Variants in NT5DC1 observed in about 807,000 individuals in gnomAD.
NT5DC1 encodes the protein 5'-nucleotidase domain-containing protein 1.
NT5DC1 carries 42 observed loss-of-function variants against 59.4 expected under a neutral mutation model. The observed-to-expected ratio is 0.71, with a 90% CI of 0.55 to 0.92. NT5DC1 has a LOEUF of 0.92. NT5DC1 is among the 40% of genes least tolerant of loss of function. NT5DC1 has a pLI of 0.00. For missense variants in NT5DC1, 501 were observed against 537.1 expected, an observed-to-expected ratio of 0.93 and a Z score of 0.66; for synonymous variants, 172 against 188.1, an observed-to-expected ratio of 0.91 and a Z score of 0.70.
chr6:116,150,337 A>G (rs371782391), intron 6 of NT5DC1, among the ~76,000 whole-genome samples: 2 of 152,038 alleles, frequency 1.3e-5, no homozygotes, highest in African/African-American at 4.8e-5. Context: ...CCAGGAAGGA[A>G]TGCAGTGGCA....
Position 116,243,931 on chromosome 6 carries a change from T to C in NT5DC1, c.1275T>C (p.Phe425=). The C allele has an allele frequency of 6.4e-7, 1 of 1,550,894 alleles. No homozygotes were observed. Among genetic ancestry groups the C allele is most frequent in the East Asian group, 2.3e-5 (1 of 44,294 alleles). The change falls in exon 12 of 12, where the codon TTT becomes TTC. Residue 425 remains phenylalanine (F), a synonymous_variant. Coordinates refer to ENST00000319550, the MANE Select transcript of NT5DC1 (RefSeq NM_152729.3). ...AIAELPLDYK[F]TRFSSSNSKT... is the part of the protein sequence containing the mutation. ...CAGAATTACCTCTGGACTACAAATT[T>C]ACAAGATTCTCTTCAAGCAATTCAA...
intron 4 of NT5DC1, among the ~76,000 whole-genome samples, chr6:116,112,934 G>A (rs147955959): frequency 3.2e-4 from 49 of 152,292 alleles, no homozygotes; most frequent in African/African-American, 1.1e-3. Context: ...TAAAGTACAT[G>A]CCCTATCAGT....
intron 6 of NT5DC1, among the ~76,000 whole-genome samples, chr6:116,193,598 A>G (rs528070002): frequency 1.3e-5 from 2 of 152,108 alleles, no homozygotes; most frequent in Non-Finnish European, 2.9e-5. Flanking sequence ...TAATATACAC[A>G]GAATATGTCT....
At chr6:116,142,285 T>TC (rs144062334) in intron 6 of NT5DC1, among the ~76,000 whole-genome samples, 3 of 144,300 alleles carry the variant, frequency 2.1e-5, no homozygotes, top group African/African-American at 8.4e-5. Flanking sequence ...CTATTTTTGC[T>TC]TTTTTTTTCA....
chr6:116,212,682 T>G (rs1163792538), intron 6 of NT5DC1, among the ~76,000 whole-genome samples: 1 of 152,112 alleles, frequency 6.6e-6, no homozygotes, highest in Non-Finnish European at 1.5e-5. Context: ...GAGTTGAGAT[T>G]TAATGGGTGG....
intron 6 of NT5DC1, among the ~76,000 whole-genome samples, chr6:116,162,877 C>A (rs1224891972): frequency 2.6e-5 from 4 of 151,968 alleles, no homozygotes; most frequent in Admixed American, 2.6e-4. Flanking sequence ...CCTGTAATCC[C>A]AGCACTTTGG....
intron 6 of NT5DC1, chr6:116,120,856 G>C: frequency 6.2e-7 from 1 of 1,613,986 alleles, no homozygotes; most frequent in Non-Finnish European, 8.5e-7. Flanking sequence ...CAGGGCCTGG[G>C]AGACCAGGAG....
At chr6:116,134,319 C>A (rs920008315) in intron 6 of NT5DC1, among the ~76,000 whole-genome samples, 7 of 152,164 alleles carry the variant, frequency 4.6e-5, no homozygotes, top group Admixed American at 3.3e-4. Flanking sequence ...AGATAAACGC[C>A]AGACACCAAA....
At chr6:116,238,464 TAA>T (rs56266433) in intron 10 of NT5DC1, 116 bp downstream of exon 10, 26,541 of 254,290 alleles carry the variant, frequency 0.1, 519 homozygotes, top group African/African-American at 0.16. Context: ...ACCATCATGT[TAA>T]AAAAAAAAAA....
At chr6:116,192,387 A>G (rs1388576549) in intron 6 of NT5DC1, among the ~76,000 whole-genome samples, 3 of 152,018 alleles carry the variant, frequency 2.0e-5, no homozygotes, top group African/African-American at 7.2e-5. Context: ...TTAAGATGCC[A>G]TTTCTACTTT....
At chr6:116,178,052 A>AGTGTGTGTGTGTGTGTGTGT (rs61085607) in intron 6 of NT5DC1, among the ~76,000 whole-genome samples, 21 of 136,416 alleles carry the variant, frequency 1.5e-4, no homozygotes, top group African/African-American at 4.9e-4. Context: ...CAAAGAGGAA[A>AGTGTGTGTGTGTGTGTGTGT]GTGTGTGTGT....
At chr6:116,158,562 G>A (rs955142260) in intron 6 of NT5DC1, 22 of 152,042 alleles carry the variant, frequency 1.4e-4, no homozygotes, top group Admixed American at 1.4e-3. Context: ...TTTTCATCTA[G>A]TCACATTATT....
chr6:116,108,277 C>T, intron 2 of NT5DC1, 87 bp from the exon 3 acceptor site: 1 of 817,878 alleles, frequency 1.2e-6, no homozygotes, highest in Non-Finnish European at 2.1e-6. Context: ...CCCTTTTTAG[C>T]ATTATGATGT....
chr6:116,139,606 T>C (rs1779712695), intron 6 of NT5DC1, among the ~76,000 whole-genome samples: 1 of 152,154 alleles, frequency 6.6e-6, no homozygotes, highest in Admixed American at 6.5e-5. Context: ...AAAGAGCCCT[T>C]CCAGTTTTTA....
intron 6 of NT5DC1, among the ~76,000 whole-genome samples, chr6:116,159,602 G>A (rs1780282402): frequency 2.0e-5 from 3 of 152,194 alleles, no homozygotes; most frequent in Non-Finnish European, 4.4e-5. Flanking sequence ...GCTCCCTGCA[G>A]CACACACAAC....
intron 6 of NT5DC1, among the ~76,000 whole-genome samples, chr6:116,187,142 A>G (rs1299393601): frequency 6.6e-6 from 1 of 152,014 alleles, no homozygotes; most frequent in Non-Finnish European, 1.5e-5. Context: ...CTCTGAATCT[A>G]GCCACCCAGC....
intron 3 of NT5DC1, among the ~76,000 whole-genome samples, chr6:116,108,857 T>C (rs1160287928): frequency 6.6e-6 from 1 of 152,160 alleles, no homozygotes; most frequent in Non-Finnish European, 1.5e-5. Context: ...ACCCTCTCTT[T>C]CTTCATTTAT....
At chr6:116,198,181 T>G (rs1357829461) in intron 6 of NT5DC1, among the ~76,000 whole-genome samples, 2 of 152,148 alleles carry the variant, frequency 1.3e-5, no homozygotes, top group African/African-American at 4.8e-5. Flanking sequence ...CAAATTGAGG[T>G]CACTGAGTAG....
chr6:116,128,553 G>C lies in NT5DC1; in HGVS notation c.529+10608G>C, dbSNP rs562249261. 1.2e-3 allele frequency among the ~76,000 whole-genome samples: 190 copies of C among 152,130 alleles called. 1 individual carries two copies. The highest frequency in any genetic ancestry group is 1.9e-3 in the Non-Finnish European group (129 of 67,990). ...CTGGCAGTTAGCTACTATTAAGCTTGCCTATTCATTTGTACATCTGTGGAT... is the reference window on the plus strand; with the variant it reads ...CTGGCAGTTAGCTACTATTAAGCTTCCCTATTCATTTGTACATCTGTGGAT... On this transcript the variant is annotated intron_variant, in intron 6 of 11. Coordinates refer to ENST00000319550, the MANE Select transcript of NT5DC1 (RefSeq NM_152729.3).
Sources: gnomAD v4.1 joint callset for allele counts (sites outside exome capture counted in the v4.1 genomes callset) on GRCh38, gnomAD v4.1.1 for gene constraint, MANE v1.5 for transcripts, NCBI Gene and HGNC (gene_info 2026-07-23, HGNC 2026-07-21) for gene names.